The following PIGQ variants were observed in gnomAD, a reference collection of about 807,000 sequenced individuals.
PIGQ encodes phosphatidylinositol glycan anchor biosynthesis class Q, also known as phosphatidylinositol N-acetylglucosaminyltransferase subunit Q.
In PIGQ, 54 loss-of-function variants were observed where a neutral mutation model predicts 60.3. That is an observed-to-expected ratio of 0.90 (90% CI 0.72 to 1.12). The LOEUF (loss-of-function observed/expected upper bound fraction) is 1.12, where lower values mean the gene tolerates loss of function less well. PIGQ is among the 50% of genes most tolerant of loss of function. The pLI is 0.00. For synonymous variants in PIGQ, 416 were observed against 363.7 expected, an observed-to-expected ratio of 1.14 and a Z score of -1.64; for missense variants, 799 against 793.5, an observed-to-expected ratio of 1.01 and a Z score of -0.08.
At position 574,236 on chromosome 16, in the gene PIGQ, G is replaced by A; in HGVS notation, c.162G>A (p.Gln54=). ...QVKQLLAQVR[Q]ASQVGVAVLG... is the part of the protein sequence containing the mutation. Reference sequence around the variant, plus strand: ...AGCAGCTCCTGGCCCAGGTGCGGCAGGCCAGCCAGGTGGGCGTGGCCGTGC... The same window carrying A: ...AGCAGCTCCTGGCCCAGGTGCGGCAAGCCAGCCAGGTGGGCGTGGCCGTGC... The change falls in exon 2 of 11, where the codon CAG becomes CAA. Residue 54 remains glutamine (Q), a synonymous_variant. Coordinates refer to ENST00000321878, the MANE Select transcript of PIGQ (RefSeq NM_004204.5). 1 of 1,610,718 alleles carries A rather than the reference G, an allele frequency of 6.2e-7. No individual in the cohort carries two copies. The highest frequency in any genetic ancestry group is 8.5e-7 in the Non-Finnish European group (1 of 1,179,654).
rs182562016 is a variant in PIGQ, at chr16:575,623, C to T, written c.690-216C>T. On this transcript the variant is annotated intron_variant, in intron 2 of 10. Transcript: ENST00000321878. ...CCAGGTGGCCCGGGGTCAGCACCTG[C>T]GAGGAGGCCAGGCTCCGTGTTAGTC... 1.2e-4 allele frequency among the ~76,000 whole-genome samples: 18 copies of T among 152,288 alleles called. No homozygotes were observed. In the East Asian group the frequency reaches 2.9e-3, roughly 25 times the overall value.
chr16:575,295 A>G (rs896192086), intron 2 of PIGQ, among the ~76,000 whole-genome samples: 3 of 152,196 alleles, frequency 2.0e-5, no homozygotes, highest in Non-Finnish European at 4.4e-5. Context: ...TTGAAGCCCA[A>G]GGGCCCTGAG....
At position 582,420 on chromosome 16, in the gene PIGQ, C is replaced by G. The variant is rs955761287; in HGVS notation, c.1593+111C>G. On this transcript the variant is annotated intron_variant, in intron 10 of 10. Coordinates refer to ENST00000321878, the MANE Select transcript of PIGQ (RefSeq NM_004204.5). Reference sequence around the variant, plus strand: ...CACCACGCCAGCCTGCGATGAGGTACAGGGAGGGCCCAGTGGAGCTGAGGG... The same window carrying G: ...CACCACGCCAGCCTGCGATGAGGTAGAGGGAGGGCCCAGTGGAGCTGAGGG... 3.8e-6 allele frequency: 3 copies of G among 779,282 alleles called. No homozygotes were observed. The East Asian group carries it at 8.2e-5, about 21-fold the overall frequency. The allele number at this position is 779,282 out of a possible 1,614,324, so 48.3% of individuals were successfully genotyped here. A position where few individuals can be genotyped will look rare whatever the true frequency, so the allele number is the denominator to read the frequency against.
chr16:575,952 A>G lies in PIGQ; in HGVS notation c.803A>G (p.Asn268Ser). ...TLIFSTRKAE[N>S]PAQLMRKANT... ...ATCTTCAGTACACGGAAGGCGGAGA[A>G]CCCTGCCCAGCTGATGAGGTGTGGG... The change falls in exon 3 of 11, where the codon AAC becomes AGC. Residue 268 changes from asparagine to serine, a missense_variant. By Grantham distance (46) the Asn-to-Ser change is conservative. Coordinates refer to ENST00000321878, the MANE Select transcript of PIGQ (RefSeq NM_004204.5). The G allele has an allele frequency of 6.3e-7, 1 of 1,585,112 alleles. No individual in the cohort carries two copies. Among genetic ancestry groups the G allele is most frequent in the Non-Finnish European group, 8.6e-7 (1 of 1,166,230 alleles).
chr16:579,926 TGTTCTTG>T, intron 7 of PIGQ: 2 of 365,578 alleles, frequency 5.5e-6, no homozygotes, highest in Non-Finnish European at 9.8e-6. Context: ...ATGCAGAGCA[TGTTCTTG>T]GTGACTGTGT....
Position 574,204 on chromosome 16 carries a change from C to T in PIGQ, c.130C>T (p.Gln44Ter). 1 of 1,612,376 alleles carries T rather than the reference C, an allele frequency of 6.2e-7. No homozygotes were observed. Among genetic ancestry groups the T allele is most frequent in the South Asian group, 1.1e-5 (1 of 91,072 alleles). The stretch of plus-strand genomic sequence containing the variant: ...CCTGCACTTTCCCTTCATCCCCATC[C>T]AGGTCAAGCAGCTCCTGGCCCAGGT... The part of the protein sequence containing the change: ...AVLHFPFIPI[Q>*]VKQLLAQVRQ... The change falls in exon 2 of 11, where the codon CAG (glutamine) becomes TAG (stop). Residue 44 changes from glutamine (Q) to a stop codon, truncating the protein, a stop_gained. Transcript: ENST00000321878. LOFTEE classifies it high-confidence loss of function.
chr16:574,307 G>A lies in PIGQ; in HGVS notation c.233G>A (p.Gly78Asp). ...CGGCAGGAGCCCGAGGAGAGCCTGG[G>A]CCGCTTCCTGGAGAGCCTGGGTGCT... ...HCRQEPEESL[G>D]RFLESLGAVF... Residue 78 changes from glycine (G) to aspartate (D), a missense_variant, in exon 2 of 11, where the codon GGC (glycine) becomes GAC (aspartate). Coordinates refer to ENST00000321878, the MANE Select transcript of PIGQ (RefSeq NM_004204.5). 1.2e-6 allele frequency: 2 copies of A among 1,606,404 alleles called. No homozygotes were observed. Among genetic ancestry groups the A allele is most frequent in the Non-Finnish European group, 1.7e-6 (2 of 1,179,130 alleles).
At chr16:573,818 G>A (rs1016586114) in intron 1 of PIGQ, among the ~76,000 whole-genome samples, 4 of 152,086 alleles carry the variant, frequency 2.6e-5, no homozygotes, top group South Asian at 2.1e-4. Context: ...GTCCTGCCTC[G>A]TGCGGGTGGG....
At chr16:579,986 C>G (rs2035786642) in intron 7 of PIGQ, 197 bp from the exon 8 acceptor site, 1 of 473,714 alleles carries the variant, frequency 2.1e-6, no homozygotes, top group Non-Finnish European at 3.8e-6. Flanking sequence ...ACCTGTCTCC[C>G]TGCGAGTCCC....
chr16:580,615 C>G (rs998371859), intron 8 of PIGQ: 4 of 573,946 alleles, frequency 7.0e-6, no homozygotes, highest in Non-Finnish European at 9.4e-6. Flanking sequence ...CCTCGATCCC[C>G]TCTGCATGTG....
At chr16:571,764 C>T (rs1179983322) in intron 1 of PIGQ, among the ~76,000 whole-genome samples, 2 of 152,078 alleles carry the variant, frequency 1.3e-5, no homozygotes, top group Non-Finnish European at 2.9e-5. Context: ...TTCTTTGTGC[C>T]GCCGACCGTC....
intron 2 of PIGQ, among the ~76,000 whole-genome samples, chr16:575,590 TGTG>T (rs1274758717): frequency 6.6e-6 from 1 of 152,042 alleles, no homozygotes; most frequent in Non-Finnish European, 1.5e-5. Context: ...TCTGGGAGCA[TGTG>T]GTGACCAGGT....
intron 4 of PIGQ, 143 bp from the exon 5 acceptor site, chr16:578,236 C>A: frequency 1.3e-6 from 1 of 766,594 alleles, no homozygotes; most frequent in Non-Finnish European, 2.1e-6. Flanking sequence ...AAGGGGAGCC[C>A]GTGTGCTGTC....
In PIGQ at chr16:575,860, G is replaced by A. The variant is rs1318264553; in HGVS notation, c.711G>A (p.Leu237=). The A allele has an allele frequency of 6.4e-7, 1 of 1,568,794 alleles. No individual in the cohort carries two copies. The highest frequency in any genetic ancestry group is 1.2e-5 in the South Asian group (1 of 85,680). Residue 237 remains leucine (L), a synonymous_variant, in exon 3 of 11, where the codon CTG becomes CTA. Coordinates refer to ENST00000321878, the MANE Select transcript of PIGQ (RefSeq NM_004204.5). ...GCAGAGTGTTCAAGCTCTGGCCCCT[G>A]TCCTTCCTCGGGAGCAAACTCTCCA... The part of the protein sequence containing the change: ...SACRVFKLWP[L]SFLGSKLSTC...
chr16:577,905 C>G (rs1248863663), intron 4 of PIGQ: 1 of 157,614 alleles, frequency 6.3e-6, no homozygotes, highest in Non-Finnish European at 1.4e-5. Flanking sequence ...TTGGCACTGT[C>G]TCGCTCACCT....
intron 1 of PIGQ, among the ~76,000 whole-genome samples, chr16:572,963 G>A (rs982915503): frequency 2.0e-5 from 3 of 152,234 alleles, no homozygotes; most frequent in Admixed American, 6.5e-5. Context: ...TCGTGCAGGC[G>A]AGATGGGGCT....
Position 579,061 on chromosome 16 carries a change from T to C in PIGQ, c.1224-8T>C. ...CGGGGCCGGGCCCGACAGCACTGCG[T>C]CCTGTAGGCTGTACTGCCTGAAGAT... On this transcript the variant is annotated splice_region_variant and splice_polypyrimidine_tract_variant and intron_variant, in intron 6 of 10. Transcript: ENST00000321878. 6.2e-7 allele frequency: 1 copy of C among 1,610,758 alleles called. No individual in the cohort carries two copies. The highest frequency in any genetic ancestry group is 2.2e-5 in the East Asian group (1 of 44,828).
At chr16:580,338 T>G in intron 8 of PIGQ, 75 bp downstream of exon 8, 3 of 1,208,736 alleles carry the variant, frequency 2.5e-6, no homozygotes, top group Non-Finnish European at 3.6e-6. Context: ...CTGGGAGCAG[T>G]CAGCTGTGGG....
intron 4 of PIGQ, 129 bp downstream of exon 4, chr16:576,383 C>A: frequency 9.0e-7 from 1 of 1,111,470 alleles, no homozygotes; most frequent in Non-Finnish European, 1.3e-6. Flanking sequence ...TCTGGAGACA[C>A]GGCCCTCCCC....
Sources: gnomAD v4.1 joint callset for allele counts (sites outside exome capture counted in the v4.1 genomes callset) on GRCh38, gnomAD v4.1.1 for gene constraint, MANE v1.5 for transcripts, NCBI Gene and HGNC (gene_info 2026-07-23, HGNC 2026-07-21) for gene names.